PHKB: variants seen among roughly 807,000 people sequenced by gnomAD.
PHKB encodes phosphorylase kinase regulatory subunit beta.
A neutral mutation model predicts 152.1 loss-of-function variants in PHKB; 122 were observed. That is an observed-to-expected ratio of 0.80 (90% CI 0.69 to 0.93). The LOEUF is 0.93. Ranked by LOEUF, PHKB falls within the 40% of genes least tolerant of loss-of-function variation. PHKB has a pLI of 0.00. For missense variants in PHKB, 1,304 were observed against 1,328.4 expected (o/e 0.98, Z 0.29); for synonymous variants, 436 against 464.9 (o/e 0.94, Z 0.80).
chr16:47,627,482 C>G (rs1330858929), intron 14 of PHKB, among the ~76,000 whole-genome samples: 2 of 152,190 alleles, frequency 1.3e-5, no homozygotes, highest in African/African-American at 4.8e-5. Flanking sequence ...CCACTATAAT[C>G]GCAGTCATTG....
intron 14 of PHKB, among the ~76,000 whole-genome samples, chr16:47,612,770 G>A (rs1972451277): frequency 6.6e-6 from 1 of 152,192 alleles, no homozygotes; most frequent in African/African-American, 2.4e-5. Flanking sequence ...GTGGTTGGCA[G>A]CTTGGTTGTG....
intron 6 of PHKB, among the ~76,000 whole-genome samples, chr16:47,538,082 A>G (rs181923392): frequency 6.6e-6 from 1 of 152,074 alleles, no homozygotes; most frequent in African/African-American, 2.4e-5. Context: ...TTTTGTACAG[A>G]CAGTGTCTTG....
At chr16:47,617,872 C>T (rs1972547290) in intron 14 of PHKB, among the ~76,000 whole-genome samples, 2 of 152,190 alleles carry the variant, frequency 1.3e-5, no homozygotes, top group South Asian at 4.1e-4. Context: ...ACATGAAAGG[C>T]TTTAAGAATC....
At chr16:47,585,304 C>A (rs893756027) in intron 8 of PHKB, among the ~76,000 whole-genome samples, 1 of 152,148 alleles carries the variant, frequency 6.6e-6, no homozygotes. Context: ...ATATTCCTAT[C>A]CTTAATTGGG....
At position 47,558,045 on chromosome 16, in the gene PHKB, T is replaced by C. The variant is rs1239099283; in HGVS notation, c.710+10497T>C. Among the ~76,000 whole-genome samples, 5 of 151,334 alleles carry C rather than the reference T, an allele frequency of 3.3e-5. No homozygotes were observed. In the South Asian group the frequency reaches 8.4e-4, roughly 25 times the overall value. On this transcript the variant is annotated intron_variant, in intron 7 of 30. Transcript: ENST00000323584. ...GTGGCACATATACACCATGGAATAC[T>C]ATGCAGCCATAAAAAATGATGAGTT...
Position 47,502,965 on chromosome 16 carries a change from T to A in PHKB, c.306-26T>A, listed in dbSNP as rs140042272. On this transcript the variant is annotated intron_variant, in intron 3 of 30. Coordinates refer to ENST00000323584, the MANE Select transcript of PHKB (RefSeq NM_000293.3). ...CCTTTTCAAATGCATTTCCAATTAG[T>A]TTCATGAGTTATCTCTCTCACCCAG... 4.2e-5 allele frequency: 61 copies of A among 1,452,128 alleles called. No homozygotes were observed. In the East Asian group the frequency reaches 1.2e-3, roughly 29 times the overall value. 90.0% of individuals were successfully genotyped at this position (1,452,128 alleles called of 1,614,324 possible).
At chr16:47,681,633 C>G (rs1973858289) in intron 26 of PHKB, among the ~76,000 whole-genome samples, 1 of 152,060 alleles carries the variant, frequency 6.6e-6, no homozygotes. Flanking sequence ...GTAGATCTTC[C>G]TCCATCCCTT....
At chr16:47,687,074 A>G (rs1169856281) in intron 26 of PHKB, among the ~76,000 whole-genome samples, 1 of 152,092 alleles carries the variant, frequency 6.6e-6, no homozygotes, top group Non-Finnish European at 1.5e-5. Flanking sequence ...TTTTCATTCC[A>G]TTGACTTATT....
Position 47,499,843 on chromosome 16 carries a change from A to G in PHKB, c.254A>G (p.Gln85Arg). Residue 85 changes from glutamine to arginine, a missense_variant, in exon 3 of 31, where the codon CAG becomes CGG. Gln to Arg is a conservative substitution (Grantham distance 43). Transcript: ENST00000323584. The stretch of plus-strand genomic sequence containing the variant: ...GGTGGTGACCAGAAGGCCAAGATCC[A>G]GGACAGCCTATACTGCGCTGCTGGG... ...TCGGDQKAKI[Q>R]DSLYCAAGAW... 6.2e-7 allele frequency: 1 copy of G among 1,614,224 alleles called. No individual in the cohort carries two copies. The highest frequency in any genetic ancestry group is 8.5e-7 in the Non-Finnish European group (1 of 1,180,046).
intron 1 of PHKB, chr16:47,464,180 A>C (rs1969626808): frequency 1.7e-6 from 1 of 599,420 alleles, no homozygotes; most frequent in Non-Finnish European, 3.0e-6. Context: ...TGTTCTTCTC[A>C]TGTGGGATGT....
chr16:47,483,648 C>T (rs1232945575), intron 1 of PHKB, among the ~76,000 whole-genome samples: 2 of 152,026 alleles, frequency 1.3e-5, no homozygotes, highest in Admixed American at 6.6e-5. Context: ...TTCCCATCTC[C>T]GTTTATAAGC....
intron 6 of PHKB, among the ~76,000 whole-genome samples, chr16:47,540,682 T>C (rs1365729746): frequency 6.6e-6 from 1 of 152,082 alleles, no homozygotes; most frequent in African/African-American, 2.4e-5. Context: ...GTTCCCCCAA[T>C]AAAATACTGG....
At chr16:47,530,151 T>C (rs1465641971) in intron 6 of PHKB, among the ~76,000 whole-genome samples, 1 of 150,842 alleles carries the variant, frequency 6.6e-6, no homozygotes, top group East Asian at 1.9e-4. Context: ...TTTTTTTTTT[T>C]TCCAGACAGA....
At chr16:47,503,154 C>G in intron 4 of PHKB, 64 bp downstream of exon 4, 1 of 1,061,748 alleles carries the variant, frequency 9.4e-7, no homozygotes, top group Admixed American at 1.8e-5. Context: ...TAACTAGTAT[C>G]GCAATGGTTT....
rs141224055 is a variant in PHKB at position 47,641,628 on chromosome 16, T to C, written c.1544T>C (p.Ile515Thr). 6.1e-5 allele frequency: 98 copies of C among 1,603,444 alleles called. No homozygotes were observed. Among genetic ancestry groups the C allele is most frequent in the Non-Finnish European group, 7.5e-5 (88 of 1,170,276 alleles). ...RLQVFLNTYG[I>T]QTQTPQQVEP... ...CAAGTTTTTCTGAACACATATGGTA[T>C]TCAAACTCAAACTCCTCAACAAGTA... The change falls in exon 16 of 31, where the codon ATT becomes ACT. Residue 515 changes from isoleucine to threonine, a missense_variant. By Grantham distance (89) the Ile-to-Thr change is moderately conservative. Coordinates refer to ENST00000323584, the MANE Select transcript of PHKB (RefSeq NM_000293.3).
At chr16:47,662,281 A>G (rs1198323902) in intron 23 of PHKB, among the ~76,000 whole-genome samples, 3 of 152,208 alleles carry the variant, frequency 2.0e-5, no homozygotes, top group Admixed American at 6.5e-5. Flanking sequence ...AATCATGTCT[A>G]TGTCCACTCT....
chr16:47,560,686 C>G (rs766853526), intron 7 of PHKB, among the ~76,000 whole-genome samples: 5 of 152,130 alleles, frequency 3.3e-5, no homozygotes, highest in Non-Finnish European at 7.3e-5. Flanking sequence ...ACAAATAGTG[C>G]TGGGACAGCT....
chr16:47,681,999 T>G lies in PHKB; in HGVS notation c.2631-7042T>G, dbSNP rs147781005. Among the ~76,000 whole-genome samples, 158 of 152,302 alleles carry G rather than the reference T, an allele frequency of 1.0e-3. 2 individuals are homozygous for G. In the East Asian group the frequency reaches 0.023, roughly 22 times the overall value. Reference sequence around the variant, plus strand: ...AAAATCTCTCAGCTTGTCTGTAAAGTATTTTATTTCTCCTTCACTTATGAA... The same window carrying G: ...AAAATCTCTCAGCTTGTCTGTAAAGGATTTTATTTCTCCTTCACTTATGAA... On this transcript the variant is annotated intron_variant, in intron 26 of 30. Transcript: ENST00000323584.
At chr16:47,660,163 G>A (rs1198168487) in intron 20 of PHKB, among the ~76,000 whole-genome samples, 1 of 152,160 alleles carries the variant, frequency 6.6e-6, no homozygotes, top group African/African-American at 2.4e-5. Flanking sequence ...CACCCTGTCA[G>A]AAATGTTATT....
Sources: gnomAD v4.1 joint callset for allele counts (sites outside exome capture counted in the v4.1 genomes callset) on GRCh38, gnomAD v4.1.1 for gene constraint, MANE v1.5 for transcripts, NCBI Gene and HGNC (gene_info 2026-07-23, HGNC 2026-07-21) for gene names.